KANK3: variants seen among roughly 807,000 people sequenced by gnomAD.
KANK3 encodes the protein KN motif and ankyrin repeat domains 3.
KANK3 carries 61 observed loss-of-function variants against 65.4 expected under a neutral mutation model. The ratio of observed to expected loss-of-function variants is 0.93; its 90% confidence interval spans 0.76 to 1.15. The LOEUF is 1.15. Ranked by LOEUF, KANK3 falls within the 50% of genes most tolerant of loss-of-function variation. KANK3 has a pLI of 0.00. For missense variants in KANK3, 1,187 were observed against 1,178.8 expected (o/e 1.01, Z -0.10); for synonymous variants, 586 against 543.3 (o/e 1.08, Z -1.09).
At chr19:8,338,036 T>C (rs1012727470) in intron 1 of KANK3, 180 bp from the exon 2 acceptor site, 31 of 926,172 alleles carry the variant, frequency 3.3e-5, no homozygotes, top group Non-Finnish European at 4.0e-5. Flanking sequence ...TTTTTTTTTT[T>C]TTTGGGACAG....
At position 8,330,858 on chromosome 19, in the gene KANK3, T is replaced by C. The variant is rs150573903; in HGVS notation, c.1936+2156A>G. On this transcript the variant is annotated intron_variant, in intron 7 of 10. Coordinates refer to ENST00000330915, the MANE Select transcript of KANK3 (RefSeq NM_198471.3). ...GGTGGAGGTTGCAGTGAGCTGATATTGCACCACTGCAGTCCAGCCTGGGCA... is the reference window on the plus strand; with the variant it reads ...GGTGGAGGTTGCAGTGAGCTGATATCGCACCACTGCAGTCCAGCCTGGGCA... 1.6e-3 allele frequency among the ~76,000 whole-genome samples: 236 copies of C among 146,984 alleles called. 4 individuals carry two copies. The East Asian group carries it at 0.046, about 28-fold the overall frequency.
chr19:8,332,859 T>A (rs532651767), intron 7 of KANK3, 155 bp downstream of exon 7: 193 of 420,436 alleles, frequency 4.6e-4, no homozygotes, highest in Admixed American at 2.3e-3. Flanking sequence ...AATAATAAAA[T>A]TAAAATAAAA....
Position 8,333,289 on chromosome 19 carries a change from G to C in KANK3, c.1720-59C>G. The C allele has an allele frequency of 3.6e-6, 5 of 1,393,556 alleles. No homozygotes were observed. Among genetic ancestry groups the C allele is most frequent in the South Asian group, 2.5e-5 (2 of 79,372 alleles). 86.3% of individuals were successfully genotyped at this position (1,393,556 alleles called of 1,614,324 possible). ...ATGGTCCACGGCGGCGCCGTGGTGG[G>C]GGAGCTGGGGAGGGGCGGGACTGGG... On this transcript the variant is annotated intron_variant, in intron 6 of 10. Transcript: ENST00000330915. The surrounding 1 kb of genome is among the most constrained non-coding windows in gnomAD (Gnocchi z 5.0).
intron 7 of KANK3, among the ~76,000 whole-genome samples, chr19:8,328,864 G>C (rs1159073733): frequency 6.6e-6 from 1 of 152,042 alleles, no homozygotes; most frequent in Non-Finnish European, 1.5e-5. Flanking sequence ...GGATCATGGG[G>C]GAGGATGTTG....
intron 1 of KANK3, among the ~76,000 whole-genome samples, chr19:8,342,212 C>G (rs1188632355): frequency 6.6e-6 from 1 of 152,100 alleles, no homozygotes; most frequent in Non-Finnish European, 1.5e-5. Context: ...AGTCTGGTCT[C>G]AAACTCCTGA....
At chr19:8,324,358 G>T in intron 10 of KANK3, 91 bp downstream of exon 10, 1 of 1,194,424 alleles carries the variant, frequency 8.4e-7, no homozygotes, top group Non-Finnish European at 1.2e-6. Flanking sequence ...CACCTTTGGG[G>T]AGCAGAAAGG....
intron 7 of KANK3, among the ~76,000 whole-genome samples, chr19:8,327,718 T>C (rs1970453993): frequency 6.6e-6 from 1 of 151,992 alleles, no homozygotes; most frequent in Admixed American, 6.6e-5. Context: ...CGCTTGAGCC[T>C]GGGAGGTTGA....
At chr19:8,336,071 G>A (rs1970632770) in intron 2 of KANK3, among the ~76,000 whole-genome samples, 1 of 132,262 alleles carries the variant, frequency 7.6e-6, no homozygotes, top group South Asian at 2.1e-4. Context: ...ATAATAACAG[G>A]GAATAAACGG....
rs184678816 is a variant in KANK3 at position 8,323,047 on chromosome 19, C to T, written c.2383-125G>A. 4 of 549,322 alleles carry T rather than the reference C, an allele frequency of 7.3e-6. No homozygotes were observed. In the East Asian group the frequency reaches 1.3e-4, roughly 18 times the overall value. The allele number at this position is 549,322 out of a possible 1,614,324, so 34.0% of individuals were successfully genotyped here. ...GGACCCAGGCTGCCTGGTTTGTATC[C>T]AACCTCTGCCCCTTCTGACCTGGAA... is the stretch of plus-strand genomic sequence containing the variant. On this transcript the variant is annotated intron_variant, in intron 10 of 10. Transcript: ENST00000330915.
rs765133660 is a variant in KANK3 at position 8,322,909 on chromosome 19, G to T, written c.2396C>A (p.Pro799His). 2.6e-6 allele frequency: 4 copies of T among 1,541,278 alleles called. No homozygotes were observed. The highest frequency in any genetic ancestry group is 2.0e-5 in the Admixed American group (1 of 49,356). Reference protein sequence around the residue: ...GQPDTQSESPPGSQTATPGEG... With the variant: ...GQPDTQSESPHGSQTATPGEG... ...ACCAGGTGTGGCTGTCTGGGAGCCA[G>T]GGGGTGACTCGCTCTGGAGAGAGGG... Residue 799 changes from proline to histidine, a missense_variant, in exon 11 of 11, where the codon CCT (proline) becomes CAT (histidine). Physicochemically the swap from Pro to His is moderately conservative, Grantham distance 77 (BLOSUM62 -2). Around this residue, in one of 3 missense-constraint regions of KANK3, gnomAD observed 1,078 missense variants for 1,038.2 expected, o/e 1.04. Coordinates refer to ENST00000330915, the MANE Select transcript of KANK3 (RefSeq NM_198471.3).
At chr19:8,327,538 G>A (rs555418895) in intron 7 of KANK3, among the ~76,000 whole-genome samples, 2 of 152,136 alleles carry the variant, frequency 1.3e-5, no homozygotes, top group Non-Finnish European at 2.9e-5. Context: ...GGCTGAGGCA[G>A]GAGAATCACT....
Position 8,322,910 on chromosome 19 carries a change from G to A in KANK3, c.2395C>T (p.Pro799Ser), listed in dbSNP as rs751692608. The A allele has an allele frequency of 7.1e-6, 11 of 1,541,006 alleles. No individual in the cohort carries two copies. In the Admixed American group the frequency reaches 2.2e-4, roughly 31 times the overall value. Residue 799 changes from proline (P) to serine (S), a missense_variant, in exon 11 of 11, where the codon CCT becomes TCT. Around this residue, in one of 3 missense-constraint regions of KANK3, gnomAD observed 1,078 missense variants for 1,038.2 expected, o/e 1.04. Transcript: ENST00000330915. Reference sequence around the variant, plus strand: ...CCAGGTGTGGCTGTCTGGGAGCCAGGGGGTGACTCGCTCTGGAGAGAGGGG... The same window carrying A: ...CCAGGTGTGGCTGTCTGGGAGCCAGAGGGTGACTCGCTCTGGAGAGAGGGG... The part of the protein sequence containing the change: ...GQPDTQSESP[P>S]GSQTATPGEG...
intron 1 of KANK3, among the ~76,000 whole-genome samples, chr19:8,339,006 A>AACGGAT (rs2145441349): frequency 6.6e-6 from 1 of 152,198 alleles, no homozygotes; most frequent in Non-Finnish European, 1.5e-5. Context: ...TCAACAAATC[A>AACGGAT]ACGGATACTT....
chr19:8,339,982 A>AG (rs1970702854), intron 1 of KANK3, among the ~76,000 whole-genome samples: 1 of 108,708 alleles, frequency 9.2e-6, no homozygotes, highest in Non-Finnish European at 1.9e-5. Flanking sequence ...AAAAAAAAAA[A>AG]AAGAAAAGAA....
At position 8,333,059 on chromosome 19, in the gene KANK3, C is replaced by CA; in HGVS notation, c.1890dup (p.Val631CysfsTer57). On this transcript the variant is annotated frameshift_variant, in exon 7 of 11. Coordinates refer to ENST00000330915, the MANE Select transcript of KANK3 (RefSeq NM_198471.3). LOFTEE classifies it high-confidence loss of function. This position sits in a 1 kb window ranked among gnomAD's most constrained non-coding sequence, Gnocchi z 5.0. ...GCGATGGCCAGGTTCCCGTGGGACA[C>CA]ACTGTAGTGCAGGGCCGTGTTCCCG... 3.2e-6 allele frequency: 5 copies of CA among 1,573,154 alleles called. No homozygotes were observed. The highest frequency in any genetic ancestry group is 3.5e-6 in the Non-Finnish European group (4 of 1,155,924).
chr19:8,337,552 C>T (rs575153495), intron 2 of KANK3, among the ~76,000 whole-genome samples: 1 of 151,674 alleles, frequency 6.6e-6, no homozygotes, highest in East Asian at 1.9e-4. Flanking sequence ...CACCATGTTG[C>T]CCAGGCTGGT....
In KANK3 at chr19:8,333,951, C is replaced by G; in HGVS notation, c.1593G>C (p.Glu531Asp). The G allele has an allele frequency of 6.4e-7, 1 of 1,569,518 alleles. No individual in the cohort carries two copies. Among genetic ancestry groups the G allele is most frequent in the Non-Finnish European group, 8.6e-7 (1 of 1,161,624 alleles). ...PPSGGDIRDP[E>D]PEAEAEPQQV... ...GCTGAGGCTCTGCCTCCGCCTCGGG[C>G]TCAGGGTCCCGGATGTCCCCGCCGC... The change falls in exon 5 of 11, where the codon GAG (glutamate) becomes GAC (aspartate). Residue 531 changes from glutamate to aspartate, a missense_variant. This residue lies in a region of KANK3 where 1,078 missense variants were observed against 1,038.2 expected (regional missense o/e 1.04). Coordinates refer to ENST00000330915, the MANE Select transcript of KANK3 (RefSeq NM_198471.3). The surrounding 1 kb of genome is among the most constrained non-coding windows in gnomAD (Gnocchi z 5.0).
intron 1 of KANK3, among the ~76,000 whole-genome samples, chr19:8,340,910 G>T (rs756980724): frequency 4.6e-5 from 7 of 152,176 alleles, no homozygotes; most frequent in Non-Finnish European, 1.0e-4. Flanking sequence ...TCAGGAAATT[G>T]CCAGGGAAGA....
chr19:8,340,291 T>TATATACACACACACAC (rs1472181365), intron 1 of KANK3, among the ~76,000 whole-genome samples: 1 of 92,870 alleles, frequency 1.1e-5, no homozygotes, highest in African/African-American at 4.4e-5. Context: ...TATATATATA[T>TATATACACACACACAC]ACACACACAC....
Sources: allele counts gnomAD v4.1 joint callset (sites outside exome capture counted in the v4.1 genomes callset), GRCh38; gene constraint gnomAD v4.1.1; regional missense constraint gnomAD v4.1.1; non-coding constraint Gnocchi (gnomAD v3.1); transcripts MANE v1.5; gene names NCBI Gene and HGNC (gene_info 2026-07-23, HGNC 2026-07-21).